The following ARHGAP42 variants were observed in gnomAD, a reference collection of about 807,000 sequenced individuals.
The protein encoded by ARHGAP42 is rho GTPase-activating protein 42.
In ARHGAP42, 63 loss-of-function variants were observed where a neutral mutation model predicts 125.0. The observed-to-expected ratio is 0.50, with a 90% CI of 0.41 to 0.62. The LOEUF is 0.62. ARHGAP42 is among the 20% of genes least tolerant of loss of function. ARHGAP42 has a pLI of 0.00. For missense variants in ARHGAP42, 766 were observed against 1,024.2 expected (o/e 0.75, Z 3.44); for synonymous variants, 339 against 351.0 (o/e 0.97, Z 0.38).
chr11:100,834,970 A>T (rs1257098410), intron 3 of ARHGAP42, among the ~76,000 whole-genome samples: 1 of 151,556 alleles, frequency 6.6e-6, no homozygotes, highest in Non-Finnish European at 1.5e-5. Flanking sequence ...TTATAAATGT[A>T]TGTTGATGAT....
chr11:100,941,735 C>A, intron 8 of ARHGAP42, 49 bp from the exon 9 acceptor site: 2 of 1,186,912 alleles, frequency 1.7e-6, no homozygotes, highest in Non-Finnish European at 2.4e-6. Flanking sequence ...AACTTTGATA[C>A]AAATCATTTA....
In ARHGAP42 at chr11:100,925,578, A is replaced by C. The variant is rs543803373; in HGVS notation, c.597+3974A>C. Among the ~76,000 whole-genome samples the C allele has an allele frequency of 4.4e-3, 673 of 152,014 alleles. 6 individuals are homozygous for C. Among genetic ancestry groups the C allele is most frequent in the Non-Finnish European group, 6.9e-3 (466 of 67,994 alleles). ...CATGGTGAAACCTCATCTCTACTAA[A>C]AATACAAAAATTAGCCAGGCGTGGT... is the stretch of plus-strand genomic sequence containing the variant. On this transcript the variant is annotated intron_variant, in intron 6 of 23. Coordinates refer to ENST00000298815, the MANE Select transcript of ARHGAP42 (RefSeq NM_152432.4).
intron 4 of ARHGAP42, among the ~76,000 whole-genome samples, chr11:100,884,054 C>T (rs577938175): frequency 2.3e-4 from 35 of 151,586 alleles, no homozygotes; most frequent in Non-Finnish European, 4.1e-4. Flanking sequence ...AGAATAAGAC[C>T]GCACACAGTG....
At chr11:100,972,539 G>GATGGATGA (rs1444789185) in intron 17 of ARHGAP42, among the ~76,000 whole-genome samples, 1 of 152,048 alleles carries the variant, frequency 6.6e-6, no homozygotes, top group Non-Finnish European at 1.5e-5. Context: ...TGGATGGATG[G>GATGGATGA]ATGGATGGAA....
rs73579230 is a variant in ARHGAP42 at position 100,975,135 on chromosome 11, C to G, written c.1855+532C>G. ...GTGGCTGTTCTCATTTTATTTTATA[C>G]CCCCCACCCCAATTTTTTGCTCACA... On this transcript the variant is annotated intron_variant, in intron 19 of 23. Transcript: ENST00000298815. Among the ~76,000 whole-genome samples the G allele has an allele frequency of 2.6e-5, 4 of 151,928 alleles. No individual in the cohort carries two copies. In the South Asian group the frequency reaches 8.3e-4, roughly 31 times the overall value.
intron 18 of ARHGAP42, among the ~76,000 whole-genome samples, chr11:100,974,005 T>C (rs1490448150): frequency 6.6e-6 from 1 of 152,140 alleles, no homozygotes; most frequent in Admixed American, 6.6e-5. Context: ...CATGGCTGTG[T>C]CCTGTAGCTC....
chr11:100,717,001 CT>C (rs1468511754), intron 1 of ARHGAP42, among the ~76,000 whole-genome samples: 3 of 152,150 alleles, frequency 2.0e-5, no homozygotes, highest in Non-Finnish European at 4.4e-5. Context: ...ATTTCAACAG[CT>C]TAGACATCTG....
At chr11:100,874,158 T>C (rs1209108368) in intron 4 of ARHGAP42, among the ~76,000 whole-genome samples, 1 of 152,090 alleles carries the variant, frequency 6.6e-6, no homozygotes, top group Non-Finnish European at 1.5e-5. Flanking sequence ...TGTTCAGAGC[T>C]GGACGTCTGT....
intron 3 of ARHGAP42, among the ~76,000 whole-genome samples, chr11:100,796,167 A>G (rs1417057855): frequency 2.6e-5 from 4 of 151,998 alleles, no homozygotes; most frequent in African/African-American, 7.2e-5. Flanking sequence ...ACGTTTTGGT[A>G]ATTCTCTCAA....
intron 1 of ARHGAP42, among the ~76,000 whole-genome samples, chr11:100,748,242 CT>C (rs1422450618): frequency 2.0e-5 from 3 of 152,202 alleles, no homozygotes; most frequent in Admixed American, 6.5e-5. Flanking sequence ...TCTATAAGTA[CT>C]TTAAGGCTTA....
chr11:100,877,589 G>C (rs1452491443), intron 4 of ARHGAP42, among the ~76,000 whole-genome samples: 1 of 152,170 alleles, frequency 6.6e-6, no homozygotes, highest in Non-Finnish European at 1.5e-5. Context: ...GCTTTCCAGA[G>C]ATTCAGTTGT....
intron 1 of ARHGAP42, among the ~76,000 whole-genome samples, chr11:100,691,762 G>T (rs901799720): frequency 1.3e-5 from 2 of 152,062 alleles, no homozygotes; most frequent in Admixed American, 6.6e-5. Context: ...GGGTTCAAGC[G>T]ATCTGCCTGC....
chr11:100,945,525 G>A (rs1384864227), intron 10 of ARHGAP42, among the ~76,000 whole-genome samples: 1 of 152,066 alleles, frequency 6.6e-6, no homozygotes, highest in Non-Finnish European at 1.5e-5. Flanking sequence ...ATAAGACTCA[G>A]AAGTCTAACT....
At chr11:100,877,773 G>A (rs929372501) in intron 4 of ARHGAP42, among the ~76,000 whole-genome samples, 3 of 152,068 alleles carry the variant, frequency 2.0e-5, no homozygotes, top group Non-Finnish European at 2.9e-5. Context: ...TTGGGAGGCT[G>A]AGGCAGGCAG....
intron 1 of ARHGAP42, among the ~76,000 whole-genome samples, chr11:100,736,484 C>G (rs1179550928): frequency 6.6e-6 from 1 of 152,142 alleles, no homozygotes; most frequent in Non-Finnish European, 1.5e-5. Context: ...ACTGCTACCA[C>G]CATCTTATCA....
At chr11:100,965,088 A>G (rs1030203023) in intron 16 of ARHGAP42, among the ~76,000 whole-genome samples, 1 of 152,086 alleles carries the variant, frequency 6.6e-6, no homozygotes, top group Non-Finnish European at 1.5e-5. Flanking sequence ...GGAAAGGGGG[A>G]AAAGCCCCGT....
intron 3 of ARHGAP42, among the ~76,000 whole-genome samples, chr11:100,852,297 G>T (rs1056891096): frequency 6.6e-6 from 1 of 151,976 alleles, no homozygotes; most frequent in African/African-American, 2.4e-5. Context: ...TTATATTAAC[G>T]TTCAGCTACT....
chr11:100,744,526 T>C (rs1862254602), intron 1 of ARHGAP42, among the ~76,000 whole-genome samples: 1 of 147,806 alleles, frequency 6.8e-6, no homozygotes, highest in Admixed American at 6.8e-5. Context: ...TGAATTTGTT[T>C]TATATTTTAC....
At chr11:100,920,262 T>C (rs1867198315) in intron 5 of ARHGAP42, among the ~76,000 whole-genome samples, 1 of 152,198 alleles carries the variant, frequency 6.6e-6, no homozygotes, top group Non-Finnish European at 1.5e-5. Flanking sequence ...ATTACCTAAT[T>C]AAATGCATGA....
Sources: gnomAD v4.1 joint callset for allele counts (sites outside exome capture counted in the v4.1 genomes callset) on GRCh38, gnomAD v4.1.1 for gene constraint, MANE v1.5 for transcripts, NCBI Gene and HGNC (gene_info 2026-07-23, HGNC 2026-07-21) for gene names.